Variants in ACBD6 observed in about 807,000 individuals in gnomAD.
The protein encoded by ACBD6 is acyl-CoA-binding domain-containing protein 6.
A neutral mutation model predicts 37.2 loss-of-function variants in ACBD6; 28 were observed. The ratio of observed to expected loss-of-function variants is 0.75; its 90% CI spans 0.56 to 1.03. The LOEUF is 1.03. Ranked by LOEUF, ACBD6 falls within the 50% of genes least tolerant of loss-of-function variation. The pLI, the probability that ACBD6 is intolerant of heterozygous loss-of-function variation, is 0.00. For synonymous variants in ACBD6, 113 were observed against 126.8 expected (o/e 0.89, Z 0.73); for missense variants, 340 against 337.4 (o/e 1.01, Z -0.06).
intron 3 of ACBD6, among the ~76,000 whole-genome samples, chr1:180,471,407 A>AG (rs1022159565): frequency 2.0e-5 from 3 of 151,128 alleles, no homozygotes; most frequent in African/African-American, 7.3e-5. Context: ...TTAAGGAAAA[A>AG]AAAAAAAAAA....
At chr1:180,458,745 T>C (rs891562467) in intron 3 of ACBD6, among the ~76,000 whole-genome samples, 5 of 152,216 alleles carry the variant, frequency 3.3e-5, no homozygotes, top group African/African-American at 1.2e-4. Flanking sequence ...TGTGTAAAGT[T>C]AGAGCTAAGT....
intron 6 of ACBD6, among the ~76,000 whole-genome samples, chr1:180,322,734 GTCTTC>G (rs1201600681): frequency 6.7e-6 from 1 of 148,160 alleles, no homozygotes; most frequent in African/African-American, 2.5e-5. Flanking sequence ...TTTTATTTGG[GTCTTC>G]TCTTTTTTTT....
chr1:180,318,175 C>CCCG (rs10632390), intron 6 of ACBD6, among the ~76,000 whole-genome samples: 1 of 102,748 alleles, frequency 9.7e-6, no homozygotes, highest in Non-Finnish European at 2.1e-5. Flanking sequence ...CCCCCCCCCC[C>CCCG]AAAAAAAAAA....
chr1:180,481,882 C>T (rs915250682), intron 3 of ACBD6, among the ~76,000 whole-genome samples: 9 of 152,182 alleles, frequency 5.9e-5, no homozygotes, highest in South Asian at 2.1e-4. Context: ...AACACAAAGG[C>T]GAATCTGACA....
chr1:180,336,914 G>C (rs1253882738), intron 6 of ACBD6, among the ~76,000 whole-genome samples: 1 of 151,988 alleles, frequency 6.6e-6, no homozygotes, highest in African/African-American at 2.4e-5. Flanking sequence ...AGAAGAAATG[G>C]ATAAATTCCT....
chr1:180,358,532 A>G (rs1344885308), intron 6 of ACBD6, among the ~76,000 whole-genome samples: 1 of 144,126 alleles, frequency 6.9e-6, no homozygotes, highest in African/African-American at 2.6e-5. Context: ...AAAAAGTAAC[A>G]TTAGCAATAT....
chr1:180,404,520 C>T (rs1007974075), intron 5 of ACBD6, among the ~76,000 whole-genome samples: 10 of 152,166 alleles, frequency 6.6e-5, no homozygotes, highest in South Asian at 4.1e-4. Context: ...TCCAGTGGCA[C>T]GATCTCAGCT....
chr1:180,498,448 CAA>C (rs1477291845), intron 1 of ACBD6, among the ~76,000 whole-genome samples: 4 of 152,240 alleles, frequency 2.6e-5, no homozygotes, highest in African/African-American at 9.6e-5. Flanking sequence ...AGAAATTACA[CAA>C]GTGCTTTTCC....
chr1:180,363,095 T>C (rs1652908345), intron 6 of ACBD6, among the ~76,000 whole-genome samples: 1 of 152,216 alleles, frequency 6.6e-6, no homozygotes, highest in Non-Finnish European at 1.5e-5. Flanking sequence ...GTCCTTTTTC[T>C]CTGGTGTTCA....
At chr1:180,308,920 GAATGA>G (rs1236157521) in intron 7 of ACBD6, among the ~76,000 whole-genome samples, 2 of 152,276 alleles carry the variant, frequency 1.3e-5, no homozygotes, top group East Asian at 3.9e-4. Context: ...TTTGTTGAAT[GAATGA>G]AATATAATTA....
chr1:180,287,043 T>C (rs1649524950), downstream of ACBD6: 1 of 152,190 alleles, frequency 6.6e-6, no homozygotes, highest in African/African-American at 2.4e-5. Context: ...TATATAATAG[T>C]AAAAGTCAGT....
chr1:180,400,977 T>G (rs554128675), intron 5 of ACBD6, among the ~76,000 whole-genome samples: 1 of 152,190 alleles, frequency 6.6e-6, no homozygotes, highest in Non-Finnish European at 1.5e-5. Context: ...ATATAATTGT[T>G]TTATCTTTTT....
rs1424861860 is a variant in ACBD6 at position 180,288,373 on chromosome 1, C to T, written c.839G>A (p.Gly280Asp). Residue 280 changes from glycine (G) to aspartate (D), a missense_variant, in exon 8 of 8, where the codon GGC (glycine) becomes GAC (aspartate). Gly to Asp is a moderately conservative substitution (Grantham distance 94). Transcript: ENST00000367595. ...VSLVLQRHTT[G>D]KA is the part of the protein sequence containing the mutation. Reference sequence around the variant, plus strand: ...TTTCCAGTCTTTTGATTAAGCCTTGCCAGTTGTGTGCCGCTGCAGCACCAA... The same window carrying T: ...TTTCCAGTCTTTTGATTAAGCCTTGTCAGTTGTGTGCCGCTGCAGCACCAA... 1 of 1,613,714 alleles carries T rather than the reference C, an allele frequency of 6.2e-7. No homozygotes were observed.
chr1:180,323,073 G>T (rs146755088), intron 6 of ACBD6, among the ~76,000 whole-genome samples: 2,293 of 151,806 alleles, frequency 0.015, 22 homozygotes, highest in Non-Finnish European at 0.021. Context: ...CATTGTTAAA[G>T]AAATTTTTCA....
intron 6 of ACBD6, among the ~76,000 whole-genome samples, chr1:180,383,497 A>G (rs1410138012): frequency 6.6e-6 from 1 of 152,194 alleles, no homozygotes; most frequent in African/African-American, 2.4e-5. Context: ...AGATCTCTAT[A>G]AGGAAAACTA....
intron 7 of ACBD6, among the ~76,000 whole-genome samples, chr1:180,291,076 A>C (rs1649689373): frequency 1.3e-5 from 2 of 152,302 alleles, no homozygotes; most frequent in African/African-American, 2.4e-5. Flanking sequence ...ACATTGCTTC[A>C]AGTATCAGTT....
chr1:180,380,614 T>TAA (rs35481382), intron 6 of ACBD6, among the ~76,000 whole-genome samples: 73 of 149,384 alleles, frequency 4.9e-4, no homozygotes, highest in Admixed American at 2.5e-3. Context: ...TTTTAAAAGT[T>TAA]AAAAAAAAAA....
intron 6 of ACBD6, among the ~76,000 whole-genome samples, chr1:180,365,991 C>T (rs1571414053): frequency 6.6e-6 from 1 of 152,224 alleles, no homozygotes; most frequent in Non-Finnish European, 1.5e-5. Flanking sequence ...GTCTCATTTG[C>T]AAGCATTTTG....
chr1:180,490,961 T>TAAAAA (rs67650274), intron 3 of ACBD6, among the ~76,000 whole-genome samples: 1 of 93,842 alleles, frequency 1.1e-5, no homozygotes, highest in Non-Finnish European at 2.1e-5. Flanking sequence ...CTGTCTCATA[T>TAAAAA]AAAAAAAAAA....
Sources: gnomAD v4.1 joint callset for allele counts (sites outside exome capture counted in the v4.1 genomes callset) on GRCh38, gnomAD v4.1.1 for gene constraint, MANE v1.5 for transcripts, NCBI Gene and HGNC (gene_info 2026-07-23, HGNC 2026-07-21) for gene names.